Variants in CNTNAP5 observed in about 807,000 individuals in gnomAD.
CNTNAP5 encodes contactin associated protein family member 5, also known as contactin-associated protein-like 5.
In CNTNAP5, 72 loss-of-function variants were observed where a neutral mutation model predicts 150.2. That is an observed-to-expected ratio of 0.48 (90% confidence interval 0.40 to 0.58). The LOEUF is 0.58. Among genes scored for constraint, CNTNAP5 ranks in the 20% least tolerant of loss-of-function variants. CNTNAP5 has a pLI of 0.00. For synonymous variants in CNTNAP5, 672 were observed against 619.8 expected, an observed-to-expected ratio of 1.08 and a Z score of -1.25; for missense variants, 1,636 against 1,626.2, an observed-to-expected ratio of 1.01 and a Z score of -0.10.
intron 2 of CNTNAP5, 135 bp from the exon 3 acceptor site, chr2:124,242,065 C>T (rs1686899855): frequency 1.5e-6 from 1 of 655,648 alleles, no homozygotes; most frequent in Non-Finnish European, 2.7e-6. Context: ...AGTACAGAGG[C>T]AGGGAAGAGT....
chr2:124,210,498 C>T (rs945507022), intron 1 of CNTNAP5, among the ~76,000 whole-genome samples: 1 of 152,104 alleles, frequency 6.6e-6, no homozygotes. Flanking sequence ...TCTAAAGTTA[C>T]ATAACTCTGT....
intron 1 of CNTNAP5, among the ~76,000 whole-genome samples, chr2:124,043,915 A>G (rs955077461): frequency 6.6e-6 from 1 of 152,150 alleles, no homozygotes; most frequent in Admixed American, 6.5e-5. Context: ...AATTAAGTGA[A>G]CTTTGAACTC....
At chr2:124,445,680 G>A (rs545321954) in intron 5 of CNTNAP5, among the ~76,000 whole-genome samples, 27 of 152,248 alleles carry the variant, frequency 1.8e-4, no homozygotes, top group Admixed American at 5.9e-4. Context: ...GGCAGCTACC[G>A]CCTGCTGAAT....
At chr2:124,220,473 G>A (rs537269257) in intron 1 of CNTNAP5, among the ~76,000 whole-genome samples, 2 of 151,982 alleles carry the variant, frequency 1.3e-5, no homozygotes, top group South Asian at 2.1e-4. Flanking sequence ...TCTCTGCTAG[G>A]GTCCCACAAA....
intron 1 of CNTNAP5, among the ~76,000 whole-genome samples, chr2:124,124,979 T>G (rs1683652241): frequency 6.6e-6 from 1 of 152,118 alleles, no homozygotes; most frequent in South Asian, 2.1e-4. Flanking sequence ...GTAAAGACCA[T>G]CAATGCTAGG....
intron 1 of CNTNAP5, among the ~76,000 whole-genome samples, chr2:124,085,007 T>G (rs1463440268): frequency 1.4e-5 from 2 of 138,784 alleles, no homozygotes; most frequent in Admixed American, 8.0e-5. Context: ...CCGCAAACTC[T>G]GCCTCCCGGG....
At chr2:124,168,806 T>G (rs1309240647) in intron 1 of CNTNAP5, among the ~76,000 whole-genome samples, 1 of 152,200 alleles carries the variant, frequency 6.6e-6, no homozygotes, top group Non-Finnish European at 1.5e-5. Flanking sequence ...TTGAAATTTT[T>G]TTCTCACCAA....
intron 3 of CNTNAP5, among the ~76,000 whole-genome samples, chr2:124,293,746 G>T (rs1222710733): frequency 6.6e-6 from 1 of 151,974 alleles, no homozygotes; most frequent in Admixed American, 6.6e-5. Flanking sequence ...TGCATACACC[G>T]AGATAATCAC....
intron 14 of CNTNAP5, among the ~76,000 whole-genome samples, chr2:124,754,621 G>A (rs1445399595): frequency 1.3e-5 from 2 of 152,094 alleles, no homozygotes; most frequent in Non-Finnish European, 2.9e-5. Context: ...TACTCTTAAA[G>A]TATACATTCT....
At chr2:124,430,648 T>G (rs1178030544) in intron 4 of CNTNAP5, among the ~76,000 whole-genome samples, 7 of 152,166 alleles carry the variant, frequency 4.6e-5, no homozygotes, top group Non-Finnish European at 1.0e-4. Context: ...TGATGTTTCT[T>G]ATGCTTTTTA....
intron 13 of CNTNAP5, among the ~76,000 whole-genome samples, chr2:124,704,564 A>T (rs1300005527): frequency 6.6e-6 from 1 of 152,226 alleles, no homozygotes; most frequent in African/African-American, 2.4e-5. Context: ...TGATTTTAAA[A>T]TATCATTAAT....
chr2:124,618,155 C>G (rs1285073139), intron 12 of CNTNAP5, among the ~76,000 whole-genome samples: 1 of 151,972 alleles, frequency 6.6e-6, no homozygotes, highest in Non-Finnish European at 1.5e-5. Flanking sequence ...CTAGAGTTTC[C>G]CAGCACAAAC....
chr2:124,311,902 A>G (rs1009062619), intron 3 of CNTNAP5, among the ~76,000 whole-genome samples: 27 of 152,250 alleles, frequency 1.8e-4, no homozygotes, highest in African/African-American at 6.0e-4. Flanking sequence ...TATTACAGAT[A>G]TGATCATACA....
intron 3 of CNTNAP5, among the ~76,000 whole-genome samples, chr2:124,346,824 A>G (rs1573930985): frequency 6.7e-6 from 1 of 150,044 alleles, no homozygotes; most frequent in African/African-American, 2.5e-5. Context: ...TAATCCCAGC[A>G]CTTTGTGAGG....
At chr2:124,163,703 G>A (rs969308228) in intron 1 of CNTNAP5, among the ~76,000 whole-genome samples, 4 of 152,010 alleles carry the variant, frequency 2.6e-5, no homozygotes, top group Non-Finnish European at 5.9e-5. Context: ...CAGCCCTTAA[G>A]ATTATATGCC....
intron 13 of CNTNAP5, among the ~76,000 whole-genome samples, chr2:124,730,469 T>C (rs988896710): frequency 6.6e-6 from 1 of 152,068 alleles, no homozygotes; most frequent in African/African-American, 2.4e-5. Flanking sequence ...TGCCCTTAAG[T>C]AGATTACAGT....
At chr2:124,040,148 A>G (rs1681327393) in intron 1 of CNTNAP5, among the ~76,000 whole-genome samples, 1 of 152,164 alleles carries the variant, frequency 6.6e-6, no homozygotes, top group Non-Finnish European at 1.5e-5. Context: ...TGCTTGTTTC[A>G]GGGTGGCGTT....
At chr2:124,387,370 C>T (rs112085828) in intron 3 of CNTNAP5, among the ~76,000 whole-genome samples, 8,246 of 152,280 alleles carry the variant, frequency 0.054, 255 homozygotes, top group East Asian at 0.092. Flanking sequence ...GTTTCATGCG[C>T]GTCCATGTGA....
At chr2:124,653,919 C>T (rs1046408236) in intron 13 of CNTNAP5, among the ~76,000 whole-genome samples, 12 of 138,902 alleles carry the variant, frequency 8.6e-5, no homozygotes, top group African/African-American at 2.7e-4. Context: ...CAACCCCCCC[C>T]CCCCGCCACA....
Sources: allele counts gnomAD v4.1 joint callset (sites outside exome capture counted in the v4.1 genomes callset), GRCh38; gene constraint gnomAD v4.1.1; transcripts MANE v1.5; gene names NCBI Gene and HGNC (gene_info 2026-07-23, HGNC 2026-07-21).